CERK: variants seen among roughly 807,000 people sequenced by gnomAD.
CERK encodes ceramide kinase, also known as acylsphingosine kinase.
A neutral mutation model predicts 63.4 loss-of-function variants in CERK; 39 were observed. The observed-to-expected ratio is 0.61, with a 90% CI of 0.48 to 0.80. The LOEUF (loss-of-function observed/expected upper bound fraction) is 0.80, where lower values mean the gene tolerates loss of function less well. CERK is among the 30% of genes least tolerant of loss of function. The pLI, the probability that CERK is intolerant of heterozygous loss-of-function variation, is 0.00. For synonymous variants in CERK, 302 were observed against 280.0 expected (o/e 1.08, Z -0.78); for missense variants, 670 against 714.1 (o/e 0.94, Z 0.70).
At chr22:46,687,691 GAGA>G (rs2082710173) in intron 12 of CERK, among the ~76,000 whole-genome samples, 1 of 151,858 alleles carries the variant, frequency 6.6e-6, no homozygotes, top group Non-Finnish European at 1.5e-5. Flanking sequence ...ATGCTCAGAT[GAGA>G]AGGACAGGTG....
intron 6 of CERK, among the ~76,000 whole-genome samples, chr22:46,703,675 C>T (rs550376223): frequency 1.2e-4 from 19 of 152,212 alleles, no homozygotes; most frequent in Non-Finnish European, 2.2e-4. Flanking sequence ...AGACCCCATG[C>T]AGCGCCCTTA....
At chr22:46,712,374 A>C in intron 3 of CERK, 81 bp from the exon 4 acceptor site, 1 of 1,357,496 alleles carries the variant, frequency 7.4e-7, no homozygotes, top group East Asian at 2.4e-5. Context: ...AAATCAAACC[A>C]TGAGGGTTTT....
In CERK at chr22:46,714,671, T is replaced by C. The variant is rs1218731743; in HGVS notation, c.380-2378A>G. Reference sequence around the variant, plus strand: ...AAGCCCAGATGATTTCACAACTGAATTCTTCCAAACATTTAAGGAAAAAAT... The same window carrying C: ...AAGCCCAGATGATTTCACAACTGAACTCTTCCAAACATTTAAGGAAAAAAT... On this transcript the variant is annotated intron_variant, in intron 3 of 12. Coordinates refer to ENST00000216264, the MANE Select transcript of CERK (RefSeq NM_022766.6). The surrounding 1 kb of genome is among the most constrained non-coding windows in gnomAD (Gnocchi z 4.4). 6.6e-6 allele frequency among the ~76,000 whole-genome samples: 1 copy of C among 152,182 alleles called. No individual in the cohort carries two copies. Among genetic ancestry groups the C allele is most frequent in the African/African-American group, 2.4e-5 (1 of 41,456 alleles).
rs74600837 is a variant in CERK, at chr22:46,690,457, C to T, written c.1333-257G>A. On this transcript the variant is annotated intron_variant, in intron 11 of 12. Coordinates refer to ENST00000216264, the MANE Select transcript of CERK (RefSeq NM_022766.6). The stretch of plus-strand genomic sequence containing the variant: ...GGCGCCTACCTTCCCCGGTGCCCAC[C>T]TTCCGCGGCACTTGTCAAAATGACT... Among the ~76,000 whole-genome samples the T allele has an allele frequency of 9.9e-5, 15 of 152,194 alleles. No individual in the cohort carries two copies. The East Asian group carries it at 2.5e-3, about 25-fold the overall frequency.
intron 9 of CERK, chr22:46,693,707 T>C: frequency 1.9e-6 from 1 of 515,814 alleles, no homozygotes; most frequent in Non-Finnish European, 3.5e-6. Flanking sequence ...TGTCCTTCTC[T>C]AAAAGGTTTG....
intron 12 of CERK, 142 bp from the exon 13 acceptor site, chr22:46,687,348 G>A (rs2082707666): frequency 1.5e-6 from 1 of 655,166 alleles, no homozygotes; most frequent in Non-Finnish European, 2.7e-6. Flanking sequence ...TTGGACAGGG[G>A]CTGAAGTGGG....
At chr22:46,710,823 G>A (rs779514727) in intron 5 of CERK, among the ~76,000 whole-genome samples, 26 of 152,174 alleles carry the variant, frequency 1.7e-4, no homozygotes, top group Non-Finnish European at 3.1e-4. Flanking sequence ...ACACAGCACC[G>A]CATAAGCACA....
At chr22:46,695,179 G>GC (rs769778006) in intron 9 of CERK, 31 bp downstream of exon 9, 4 of 1,099,062 alleles carry the variant, frequency 3.6e-6, no homozygotes, top group Non-Finnish European at 5.4e-6. Context: ...CCCGTCATTT[G>GC]CAAGAGAAAC....
At chr22:46,689,268 C>T (rs1266475460) in intron 12 of CERK, among the ~76,000 whole-genome samples, 4 of 152,238 alleles carry the variant, frequency 2.6e-5, no homozygotes, top group East Asian at 1.9e-4. Flanking sequence ...CCTCCCTGCA[C>T]GGAGCACCTG....
intron 8 of CERK, among the ~76,000 whole-genome samples, chr22:46,696,576 G>GCACCTAAAACTC (rs1362992938): frequency 8.5e-5 from 13 of 152,190 alleles, no homozygotes; most frequent in Non-Finnish European, 1.6e-4. Context: ...TGTCCTACCG[G>GCACCTAAAACTC]CACCTAAAAC....
chr22:46,699,247 G>T, intron 8 of CERK, 66 bp downstream of exon 8: 1 of 1,527,798 alleles, frequency 6.5e-7, no homozygotes, highest in Non-Finnish European at 9.0e-7. Context: ...GATTCAGTCA[G>T]GTAACATCTG....
At chr22:46,687,552 G>C (rs1187236695) in intron 12 of CERK, among the ~76,000 whole-genome samples, 1 of 152,258 alleles carries the variant, frequency 6.6e-6, no homozygotes. Flanking sequence ...ATGGAAAGCA[G>C]AGCGTCCGCT....
At chr22:46,727,375 G>A (rs2082923764) in intron 1 of CERK, among the ~76,000 whole-genome samples, 1 of 151,474 alleles carries the variant, frequency 6.6e-6, no homozygotes, top group African/African-American at 2.4e-5. Context: ...GACCTCCCAG[G>A]CTCATGCAAT....
intron 3 of CERK, 80 bp from the exon 4 acceptor site, chr22:46,712,373 C>A: frequency 7.3e-7 from 1 of 1,361,766 alleles, no homozygotes; most frequent in Non-Finnish European, 1.0e-6. Context: ...AAAATCAAAC[C>A]ATGAGGGTTT....
At chr22:46,693,403 C>T (rs767558683) in intron 10 of CERK, 24 bp downstream of exon 10, 1 of 1,605,688 alleles carries the variant, frequency 6.2e-7, no homozygotes, top group Non-Finnish European at 8.5e-7. Context: ...AGTGACAACA[C>T]TGAGCCTGTG....
At chr22:46,723,953 C>A (rs1214890654) in intron 1 of CERK, among the ~76,000 whole-genome samples, 1 of 152,158 alleles carries the variant, frequency 6.6e-6, no homozygotes, top group East Asian at 1.9e-4. Flanking sequence ...CCGCCTCGGC[C>A]TCCCACAGTA....
At chr22:46,733,898 T>C (rs1027577912) in intron 1 of CERK, among the ~76,000 whole-genome samples, 5 of 151,788 alleles carry the variant, frequency 3.3e-5, no homozygotes, top group African/African-American at 1.2e-4. Context: ...AAAAATTAGC[T>C]GGTGGCAGGT....
At chr22:46,729,454 G>A (rs976430175) in intron 1 of CERK, among the ~76,000 whole-genome samples, 13 of 151,956 alleles carry the variant, frequency 8.6e-5, no homozygotes, top group African/African-American at 3.1e-4. Flanking sequence ...TGTCACTCAG[G>A]ATGGAGTACA....
chr22:46,692,254 C>T (rs1458338136), intron 10 of CERK, among the ~76,000 whole-genome samples: 4 of 151,296 alleles, frequency 2.6e-5, no homozygotes, highest in African/African-American at 7.3e-5. Context: ...TGGTGAAAAC[C>T]ATCTCTACTA....
Sources: gnomAD v4.1 joint callset for allele counts (sites outside exome capture counted in the v4.1 genomes callset) on GRCh38, gnomAD v4.1.1 for gene constraint, Gnocchi (gnomAD v3.1) non-coding constraint, MANE v1.5 for transcripts, NCBI Gene and HGNC (gene_info 2026-07-23, HGNC 2026-07-21) for gene names.